The following FOXP1 variants were observed in gnomAD, a reference collection of about 807,000 sequenced individuals.
FOXP1 encodes the protein forkhead box P1.
Under a neutral mutation model 98.2 loss-of-function variants are expected in FOXP1, and 15 were observed. The observed-to-expected ratio is 0.15, with a 90% CI of 0.10 to 0.24. The LOEUF (loss-of-function observed/expected upper bound fraction) is 0.24, where lower values mean the gene tolerates loss of function less well. Among genes scored for constraint, FOXP1 ranks in the 10% least tolerant of loss-of-function variants. FOXP1 has a pLI of 1.00. For synonymous variants in FOXP1, 371 were observed against 314.5 expected (o/e 1.18, Z -1.90); for missense variants, 633 against 848.5 (o/e 0.75, Z 3.15).
chr3:71,138,862 G>C (rs1005160392), intron 6 of FOXP1, among the ~76,000 whole-genome samples: 1 of 151,354 alleles, frequency 6.6e-6, no homozygotes, highest in Non-Finnish European at 1.5e-5. Context: ...CTTCAACCAA[G>C]TCAAATTACC....
At chr3:71,335,429 GATGGGCAATT>G (rs1185719495) in intron 4 of FOXP1, 8 of 152,186 alleles carry the variant, frequency 5.3e-5, no homozygotes, top group Non-Finnish European at 2.9e-5. Flanking sequence ...GAAATAAGCA[GATGGGCAATT>G]ATGGGATATT....
intron 2 of FOXP1, among the ~76,000 whole-genome samples, chr3:71,517,599 C>T (rs553166496): frequency 1.3e-5 from 2 of 152,316 alleles, no homozygotes; most frequent in Admixed American, 6.5e-5. Context: ...ATTCCAGGAA[C>T]ACTGAACTGG....
chr3:71,371,338 G>A (rs548052636), intron 3 of FOXP1, among the ~76,000 whole-genome samples: 1 of 152,074 alleles, frequency 6.6e-6, no homozygotes, highest in Non-Finnish European at 1.5e-5. Context: ...AGGATTCCAT[G>A]CTCAACCTCA....
chr3:71,398,312 T>C (rs986343769), intron 3 of FOXP1, among the ~76,000 whole-genome samples: 4 of 152,216 alleles, frequency 2.6e-5, no homozygotes, highest in Non-Finnish European at 5.9e-5. Context: ...ATTCTCATAT[T>C]AACCACTCTC....
At chr3:71,008,932 T>C (rs1451499202) in intron 12 of FOXP1, among the ~76,000 whole-genome samples, 1 of 152,070 alleles carries the variant, frequency 6.6e-6, no homozygotes, top group Non-Finnish European at 1.5e-5. Flanking sequence ...CCCCTCTCTC[T>C]GTTAACAGTG....
At chr3:71,506,595 A>G (rs774688236) in intron 2 of FOXP1, among the ~76,000 whole-genome samples, 1 of 151,930 alleles carries the variant, frequency 6.6e-6, no homozygotes, top group Non-Finnish European at 1.5e-5. Flanking sequence ...GCTCGCTGCT[A>G]GCTCTTGCAT....
rs747074430 is a variant in FOXP1 at position 70,956,817 on chromosome 3, A to G, written c.*2430T>C. On this transcript the variant is annotated 3_prime_UTR_variant, in exon 21 of 21. Transcript: ENST00000649528. The stretch of plus-strand genomic sequence containing the variant: ...AGACTGCCCTTTATACAGAAAGCAG[A>G]GTGAAGCTTCAAAAGTAACTGCCAG... The G allele has an allele frequency of 4.2e-5, 7 of 168,340 alleles. No individual in the cohort carries two copies. The highest frequency in any genetic ancestry group is 2.5e-4 in the South Asian group (1 of 4,034). 10.4% of individuals were successfully genotyped at this position (168,340 alleles called of 1,614,324 possible).
intron 4 of FOXP1, among the ~76,000 whole-genome samples, chr3:71,308,787 G>C (rs977485181): frequency 9.3e-5 from 14 of 151,306 alleles, no homozygotes; most frequent in Admixed American, 7.9e-4. Context: ...GTGTGTGTGT[G>C]TGTGTGTGTG....
At chr3:71,006,322 G>C (rs1448194201) in intron 12 of FOXP1, among the ~76,000 whole-genome samples, 2 of 152,016 alleles carry the variant, frequency 1.3e-5, no homozygotes, top group Non-Finnish European at 2.9e-5. Context: ...TATGAGACCT[G>C]TTGCCAATAT....
At chr3:71,173,664 T>C (rs2061768113) in intron 6 of FOXP1, among the ~76,000 whole-genome samples, 2 of 152,150 alleles carry the variant, frequency 1.3e-5, no homozygotes, top group South Asian at 2.1e-4. Flanking sequence ...TATGAATATC[T>C]AGTAAGGAAT....
intron 4 of FOXP1, among the ~76,000 whole-genome samples, chr3:71,343,700 C>A (rs1351915833): frequency 6.6e-6 from 1 of 151,924 alleles, no homozygotes; most frequent in Non-Finnish European, 1.5e-5. Context: ...ACCACCACAC[C>A]TGACTAATTT....
intron 10 of FOXP1, 100 bp from the exon 11 acceptor site, chr3:71,041,632 AG>A: frequency 2.5e-6 from 3 of 1,212,888 alleles, no homozygotes; most frequent in Non-Finnish European, 3.6e-6. Flanking sequence ...GCCTAGTGTT[AG>A]GGGGGTTTTT....
At chr3:71,469,193 G>A (rs1350667566) in intron 3 of FOXP1, among the ~76,000 whole-genome samples, 1 of 152,120 alleles carries the variant, frequency 6.6e-6, no homozygotes, top group African/African-American at 2.4e-5. Flanking sequence ...TGCCCAGCCA[G>A]AATAAATATT....
intron 10 of FOXP1, among the ~76,000 whole-genome samples, chr3:71,046,339 C>G (rs1339796975): frequency 6.6e-6 from 1 of 151,862 alleles, no homozygotes; most frequent in Non-Finnish European, 1.5e-5. Flanking sequence ...TGTTGAGGAA[C>G]TGGAGATGGA....
chr3:71,272,227 T>C (rs185701447), intron 5 of FOXP1, among the ~76,000 whole-genome samples: 13 of 152,268 alleles, frequency 8.5e-5, no homozygotes, highest in Admixed American at 6.5e-5. Context: ...TCACCAATTA[T>C]AGGAGAAGGA....
intron 2 of FOXP1, among the ~76,000 whole-genome samples, chr3:71,569,740 C>T (rs944200568): frequency 6.6e-6 from 1 of 151,786 alleles, no homozygotes; most frequent in East Asian, 1.9e-4. Context: ...GATATCATTA[C>T]GATCCTAATG....
chr3:71,013,796 A>C (rs1381479661), intron 12 of FOXP1, among the ~76,000 whole-genome samples: 1 of 152,244 alleles, frequency 6.6e-6, no homozygotes, highest in Non-Finnish European at 1.5e-5. Context: ...TGGTACTACA[A>C]CAGGGATATA....
intron 19 of FOXP1, among the ~76,000 whole-genome samples, chr3:70,967,082 C>T (rs770546392): frequency 4.6e-5 from 7 of 152,344 alleles, no homozygotes; most frequent in Non-Finnish European, 8.8e-5. Context: ...CTCCTGCAGA[C>T]TAGACTATGC....
chr3:71,321,357 T>C (rs1408592604), intron 4 of FOXP1, among the ~76,000 whole-genome samples: 1 of 152,098 alleles, frequency 6.6e-6, no homozygotes, highest in Non-Finnish European at 1.5e-5. Context: ...CCTTGGCAGA[T>C]TTGGTAATGA....
Sources: gnomAD v4.1 joint callset for allele counts (sites outside exome capture counted in the v4.1 genomes callset) on GRCh38, gnomAD v4.1.1 for gene constraint, MANE v1.5 for transcripts, NCBI Gene and HGNC (gene_info 2026-07-23, HGNC 2026-07-21) for gene names.